Variants in DPP4 observed in about 807,000 individuals in gnomAD.
DPP4 encodes ADCP-2.
A neutral mutation model predicts 122.4 loss-of-function variants in DPP4; 93 were observed. The ratio of observed to expected loss-of-function variants is 0.76; its 90% CI spans 0.64 to 0.90. The LOEUF (loss-of-function observed/expected upper bound fraction) is 0.90. Ranked by LOEUF, DPP4 falls within the 40% of genes least tolerant of loss-of-function variation. The pLI, the probability that DPP4 is intolerant of heterozygous loss-of-function variation, is 0.00. For synonymous variants in DPP4, 321 were observed against 302.9 expected, an observed-to-expected ratio of 1.06 and a Z score of -0.62; for missense variants, 914 against 907.3, an observed-to-expected ratio of 1.01 and a Z score of -0.09.
intron 5 of DPP4, among the ~76,000 whole-genome samples, chr2:162,039,759 A>AT (rs539971043): frequency 1.3e-5 from 2 of 151,858 alleles, no homozygotes; most frequent in African/African-American, 4.8e-5. Context: ...GGGAAATAAA[A>AT]TTTTTTTTTA....
intron 23 of DPP4, 94 bp downstream of exon 23, chr2:162,005,650 TA>T: frequency 8.8e-7 from 1 of 1,141,250 alleles, no homozygotes; most frequent in Non-Finnish European, 1.2e-6. Context: ...TTGTTGGAAA[TA>T]AAAATATGTA....
At chr2:162,041,161 C>T (rs1332821531) in intron 5 of DPP4, among the ~76,000 whole-genome samples, 2 of 151,552 alleles carry the variant, frequency 1.3e-5, no homozygotes, top group South Asian at 2.1e-4. Flanking sequence ...GAAATAAGAC[C>T]GAAGATAAAA....
intron 2 of DPP4, among the ~76,000 whole-genome samples, chr2:162,048,443 T>G (rs1311392384): frequency 6.6e-6 from 1 of 152,106 alleles, no homozygotes; most frequent in Non-Finnish European, 1.5e-5. Context: ...CCAAAAGTTT[T>G]CAATATTTCC....
Position 161,995,315 on chromosome 2 carries a change from GA to G in DPP4, c.2109del (p.His704MetfsTer39), listed in dbSNP as rs752216305. On this transcript the variant is annotated frameshift_variant, in exon 24 of 26. Transcript: ENST00000360534. LOFTEE classifies it high-confidence loss of function. The stretch of plus-strand genomic sequence containing the variant: ...TGAAACTCACCATCTGCTGTTCCAT[GA>G]ATAAGGAGGTACTCAACTTGTTTAA... ...ENFKQVEYLL[I>X]HGTADDNVHF... 1 of 1,613,924 alleles carries G rather than the reference GA, an allele frequency of 6.2e-7. No individual in the cohort carries two copies. Among genetic ancestry groups the G allele is most frequent in the Non-Finnish European group, 8.5e-7 (1 of 1,179,846 alleles).
At chr2:161,993,573 G>C (rs564012511) in intron 25 of DPP4, among the ~76,000 whole-genome samples, 189 bp from the exon 26 acceptor site, 1 of 152,134 alleles carries the variant, frequency 6.6e-6, no homozygotes, top group South Asian at 2.1e-4. Context: ...GCTTTTCCAG[G>C]GCACGTTGTT....
chr2:162,035,159 C>T lies in DPP4; in HGVS notation c.774+5G>A. 6 of 1,611,516 alleles carry T rather than the reference C, an allele frequency of 3.7e-6. No homozygotes were observed. The highest frequency in any genetic ancestry group is 4.2e-6 in the Non-Finnish European group (5 of 1,179,076). On this transcript the variant is annotated splice_donor_5th_base_variant and intron_variant, in intron 9 of 25. Coordinates refer to ENST00000360534, the MANE Select transcript of DPP4 (RefSeq NM_001935.4). Reference sequence around the variant, plus strand: ...TGGAACCACTGTACAAACAGGAGCACAGACCTTTGGATATGGAACCCGTAC... The same window carrying T: ...TGGAACCACTGTACAAACAGGAGCATAGACCTTTGGATATGGAACCCGTAC...
At chr2:162,020,537 A>G in intron 13 of DPP4, 44 bp downstream of exon 13, 5 of 1,504,650 alleles carry the variant, frequency 3.3e-6, no homozygotes, top group Non-Finnish European at 3.6e-6. Flanking sequence ...TTTCCAAAAA[A>G]AAAAAAGAGG....
intron 23 of DPP4, among the ~76,000 whole-genome samples, chr2:161,999,471 T>C (rs1441113348): frequency 6.6e-6 from 1 of 152,140 alleles, no homozygotes; most frequent in Non-Finnish European, 1.5e-5. Flanking sequence ...GATGCAATGG[T>C]GGTGCAGTTG....
intron 5 of DPP4, among the ~76,000 whole-genome samples, chr2:162,044,957 TTTCTTTC>T (rs1340978173): frequency 6.2e-4 from 93 of 150,166 alleles, no homozygotes; most frequent in Middle Eastern, 6.8e-3. Flanking sequence ...TTTTTCTTTC[TTTCTTTC>T]TTTTTTTTTT....
At chr2:162,019,983 G>C (rs1426686180) in intron 14 of DPP4, among the ~76,000 whole-genome samples, 1 of 152,186 alleles carries the variant, frequency 6.6e-6, no homozygotes, top group East Asian at 1.9e-4. Flanking sequence ...ATGTAAAAGA[G>C]GATACAGCTC....
In DPP4 at chr2:161,993,385, C is replaced by A; in HGVS notation, c.2200-1G>T. ...TTCCATGGTCTTCATCAGTATACCA[C>A]TAGAGAGAGAAAGAAAAGAAGTTAG... On this transcript the variant is annotated splice_acceptor_variant, in intron 25 of 25. Coordinates refer to ENST00000360534, the MANE Select transcript of DPP4 (RefSeq NM_001935.4). LOFTEE classifies it high-confidence loss of function. 1 of 1,601,450 alleles carries A rather than the reference C, an allele frequency of 6.2e-7. No homozygotes were observed. Among genetic ancestry groups the A allele is most frequent in the Non-Finnish European group, 8.5e-7 (1 of 1,169,846 alleles).
At chr2:161,995,950 G>A (rs1243572677) in intron 23 of DPP4, among the ~76,000 whole-genome samples, 4 of 152,180 alleles carry the variant, frequency 2.6e-5, no homozygotes, top group Non-Finnish European at 4.4e-5. Flanking sequence ...CATATGGGAG[G>A]GGAAGGGGGT....
rs200753850 is a variant in DPP4, at chr2:162,018,713, G to A, written c.1420+16C>T. ...ACAGCGGCGACTGCCCTCCCTCCCA[G>A]GGAGCTCAGACTTACCGGAACATCT... On this transcript the variant is annotated intron_variant, in intron 16 of 25. Transcript: ENST00000360534. 1.9e-6 allele frequency: 3 copies of A among 1,611,864 alleles called. No individual in the cohort carries two copies.
intron 2 of DPP4, among the ~76,000 whole-genome samples, chr2:162,062,550 T>G (rs926824653): frequency 4.6e-5 from 7 of 152,230 alleles, no homozygotes; most frequent in Non-Finnish European, 8.8e-5. Flanking sequence ...ACACAGGTTG[T>G]TGGCAAAATT....
chr2:162,019,271 T>C lies in DPP4; in HGVS notation c.1250A>G (p.Tyr417Cys), dbSNP rs377513691. ...IEALTSDYLY[Y>C]ISNEYKGMPG... is the part of the protein sequence containing the mutation. ...CATTCCTTTATATTCATTACTAATG[T>C]AGTATCTAGGAAGAGAAAAAAATGA... is the stretch of plus-strand genomic sequence containing the variant. The change falls in exon 15 of 26, where the codon TAC (tyrosine) becomes TGC (cysteine). Residue 417 changes from tyrosine to cysteine, a missense_variant. Transcript: ENST00000360534. 77 of 1,545,630 alleles carry C rather than the reference T, an allele frequency of 5.0e-5. No individual in the cohort carries two copies. The Middle Eastern group carries it at 1.2e-3, about 24-fold the overall frequency.
At chr2:162,055,926 T>C (rs1352063117) in intron 2 of DPP4, among the ~76,000 whole-genome samples, 1 of 152,112 alleles carries the variant, frequency 6.6e-6, no homozygotes, top group Non-Finnish European at 1.5e-5. Flanking sequence ...CTCTTTTGCC[T>C]TTCCACTCCA....
chr2:162,062,324 A>G (rs886760202), intron 2 of DPP4, among the ~76,000 whole-genome samples: 2 of 152,134 alleles, frequency 1.3e-5, no homozygotes, highest in African/African-American at 4.8e-5. Flanking sequence ...TTTTATCACT[A>G]TATTATTAAT....
At position 162,046,713 on chromosome 2, in the gene DPP4, T is replaced by C. The variant is rs1260074862; in HGVS notation, c.285+202A>G. The C allele has an allele frequency of 4.7e-6, 3 of 633,500 alleles. No homozygotes were observed. The African/African-American group carries it at 5.4e-5, about 11-fold the overall frequency. The allele number at this position is 633,500 out of a possible 1,614,324, so 39.2% of individuals were successfully genotyped here. ...CAAGGAGCACTTACATTTAAAAATA[T>C]GGGCAGAGGAAGAGGAATCGTCAAA... On this transcript the variant is annotated intron_variant, in intron 4 of 25. Coordinates refer to ENST00000360534, the MANE Select transcript of DPP4 (RefSeq NM_001935.4).
chr2:162,047,569 A>T (rs1576063730), intron 2 of DPP4, 68 bp from the exon 3 acceptor site: 7 of 1,078,214 alleles, frequency 6.5e-6, no homozygotes, highest in Non-Finnish European at 9.4e-6. Flanking sequence ...GGATAAAATA[A>T]ACAAATGGAT....
Sources: gnomAD v4.1 joint callset for allele counts (sites outside exome capture counted in the v4.1 genomes callset) on GRCh38, gnomAD v4.1.1 for gene constraint, MANE v1.5 for transcripts, NCBI Gene and HGNC (gene_info 2026-07-23, HGNC 2026-07-21) for gene names.